Variants in RDH11 observed in about 807,000 individuals in gnomAD.
The protein encoded by RDH11 is retinol dehydrogenase 11.
A neutral mutation model predicts 33.4 loss-of-function variants in RDH11; 19 were observed. The ratio of observed to expected loss-of-function variants is 0.57; its 90% CI spans 0.40 to 0.83. The LOEUF is 0.83. RDH11 is among the 40% of genes least tolerant of loss of function. The pLI, the probability that RDH11 is intolerant of heterozygous loss-of-function variation, is 0.00. For synonymous variants in RDH11, 154 were observed against 155.3 expected, an observed-to-expected ratio of 0.99 and a Z score of 0.06; for missense variants, 353 against 389.0, an observed-to-expected ratio of 0.91 and a Z score of 0.78.
At chr14:67,692,808 CA>C (rs1247884652) in intron 2 of RDH11, 125 bp downstream of exon 2, 5 of 881,148 alleles carry the variant, frequency 5.7e-6, no homozygotes, top group Non-Finnish European at 9.0e-6. Context: ...TTCAGATCAG[CA>C]AATCAGTGGA....
chr14:67,685,719 G>A (rs1026437754), intron 5 of RDH11, among the ~76,000 whole-genome samples: 6 of 151,950 alleles, frequency 3.9e-5, no homozygotes, highest in African/African-American at 7.3e-5. Context: ...AGGTTCAAGC[G>A]ATTCTCCTGC....
At chr14:67,694,275 T>A (rs1429210851) in intron 1 of RDH11, among the ~76,000 whole-genome samples, 1 of 151,930 alleles carries the variant, frequency 6.6e-6, no homozygotes, top group Non-Finnish European at 1.5e-5. Context: ...GTTTCCCACA[T>A]CCCCTTACTG....
Position 67,685,036 on chromosome 14 carries a change from A to C in RDH11, c.833T>G (p.Ile278Ser). The C allele has an allele frequency of 6.2e-7, 1 of 1,608,874 alleles. No individual in the cohort carries two copies. Among genetic ancestry groups the C allele is most frequent in the South Asian group, 1.1e-5 (1 of 89,998 alleles). ...LHCALTEGLE[I>S]LSGNHFSDCH... ...ATACCTGAAATGATTCCCACTTAGA[A>C]TCTCAAGACCTTCTGTTAAGGCACA... The change falls in exon 6 of 7, where the codon ATT becomes AGT. Residue 278 changes from isoleucine (I) to serine (S), a missense_variant. Ile to Ser is a moderately radical substitution (Grantham distance 142). Coordinates refer to ENST00000381346, the MANE Select transcript of RDH11 (RefSeq NM_016026.4).
At chr14:67,690,945 G>T in intron 4 of RDH11, 195 bp downstream of exon 4, 1 of 582,426 alleles carries the variant, frequency 1.7e-6, no homozygotes, top group South Asian at 2.3e-5. Context: ...CTAAATCACA[G>T]ATTAAAAAGC....
At chr14:67,679,624 G>A (rs565197431) in intron 6 of RDH11, among the ~76,000 whole-genome samples, 7 of 152,166 alleles carry the variant, frequency 4.6e-5, no homozygotes, top group South Asian at 2.1e-4. Flanking sequence ...GGCTGGTCTC[G>A]AACTCCTGAC....
intron 6 of RDH11, among the ~76,000 whole-genome samples, chr14:67,683,613 G>C (rs916579534): frequency 3.9e-5 from 6 of 152,214 alleles, no homozygotes; most frequent in African/African-American, 1.2e-4. Context: ...CTAATCAAAA[G>C]AGTAAAAATG....
chr14:67,691,325 T>C (rs1594852344), intron 3 of RDH11, 81 bp from the exon 4 acceptor site: 1 of 876,728 alleles, frequency 1.1e-6, no homozygotes. Flanking sequence ...GCTCAGGCTT[T>C]GAAAATGAGG....
At position 67,690,438 on chromosome 14, in the gene RDH11, G is replaced by T; in HGVS notation, c.455-17C>A. ...GGAAGTGACCTGTTGAGAAATACTAGAATTAATGAAGTTCAGGGCCATGTA... is the reference window on the plus strand; with the variant it reads ...GGAAGTGACCTGTTGAGAAATACTATAATTAATGAAGTTCAGGGCCATGTA... On this transcript the variant is annotated splice_polypyrimidine_tract_variant and intron_variant, in intron 4 of 6. Transcript: ENST00000381346. The T allele has an allele frequency of 6.2e-7, 1 of 1,609,196 alleles. No homozygotes were observed. Among genetic ancestry groups the T allele is most frequent in the South Asian group, 1.1e-5 (1 of 90,938 alleles).
At position 67,678,231 on chromosome 14, in the gene RDH11, G is replaced by C. The variant is rs573354491; in HGVS notation, c.*90C>G. Reference sequence around the variant, plus strand: ...AAGGTTTTGCTCTCTTTGTGCTAAAGGTTTTGAAAACCTTGAAGGAGAATC... The same window carrying C: ...AAGGTTTTGCTCTCTTTGTGCTAAACGTTTTGAAAACCTTGAAGGAGAATC... On this transcript the variant is annotated 3_prime_UTR_variant, in exon 7 of 7. Coordinates refer to ENST00000381346, the MANE Select transcript of RDH11 (RefSeq NM_016026.4). The C allele has an allele frequency of 9.1e-5, 81 of 889,348 alleles. 2 individuals are homozygous for C. In the South Asian group the frequency reaches 1.2e-3, roughly 13 times the overall value. 55.1% of individuals were successfully genotyped at this position (889,348 alleles called of 1,614,324 possible).
At chr14:67,686,757 T>C (rs1348921927) in intron 5 of RDH11, among the ~76,000 whole-genome samples, 1 of 152,100 alleles carries the variant, frequency 6.6e-6, no homozygotes. Context: ...CATACTTCAA[T>C]TTTTTTCTCT....
chr14:67,687,808 G>A (rs113669267), intron 5 of RDH11, among the ~76,000 whole-genome samples: 4,110 of 134,022 alleles, frequency 0.031, 209 homozygotes, highest in African/African-American at 0.11. Flanking sequence ...AGTTTTACTC[G>A]TGACGCCCAG....
rs568017218 is a variant in RDH11, at chr14:67,690,861, G to C, written c.454+279C>G. ...ACCTATACCTGATGCTGGCCACAAG[G>C]ATCACTACTAAGAAAGCAACACAGT... On this transcript the variant is annotated intron_variant, in intron 4 of 6. Coordinates refer to ENST00000381346, the MANE Select transcript of RDH11 (RefSeq NM_016026.4). 1.4e-5 allele frequency: 6 copies of C among 431,478 alleles called. No individual in the cohort carries two copies. The East Asian group carries it at 2.5e-4, about 18-fold the overall frequency. 26.7% of individuals were successfully genotyped at this position (431,478 alleles called of 1,614,324 possible).
chr14:67,691,384 A>G (rs934959811), intron 3 of RDH11, 140 bp from the exon 4 acceptor site: 6 of 613,356 alleles, frequency 9.8e-6, no homozygotes, highest in Non-Finnish European at 1.4e-5. Flanking sequence ...TTTATTTTCT[A>G]TTGTTTTTCA....
chr14:67,681,017 TC>T (rs2037609211), intron 6 of RDH11, among the ~76,000 whole-genome samples: 1 of 152,182 alleles, frequency 6.6e-6, no homozygotes, highest in South Asian at 2.1e-4. Context: ...CCAATTGTGT[TC>T]CCCCAAAATT....
chr14:67,689,197 A>G (rs940266920), intron 5 of RDH11, among the ~76,000 whole-genome samples: 1 of 152,248 alleles, frequency 6.6e-6, no homozygotes, highest in Non-Finnish European at 1.5e-5. Context: ...CAGACTGGGC[A>G]TAAGGACTGA....
rs868005645 is a variant in RDH11, at chr14:67,691,231, G to A, written c.363C>T (p.Leu121=). The change falls in exon 4 of 7, where the codon CTC becomes CTT. Residue 121 remains leucine (L), a synonymous_variant. Transcript: ENST00000381346. ...CTCCTGCATTGTTGATCAAAACGTG[G>A]AGGTGCTTTTCCTCTGCAGGGACAA... is the stretch of plus-strand genomic sequence containing the variant. ...AKGFLAEEKH[L]HVLINNAGVM... The A allele has an allele frequency of 2.6e-5, 42 of 1,613,642 alleles. No homozygotes were observed. In the Middle Eastern group the frequency reaches 5.9e-3, roughly 228 times the overall value.
chr14:67,689,878 A>T (rs1321187969), intron 5 of RDH11, among the ~76,000 whole-genome samples: 2 of 152,016 alleles, frequency 1.3e-5, no homozygotes, highest in Non-Finnish European at 2.9e-5. Flanking sequence ...TGGGAAGTGG[A>T]GGTCGGCAGT....
In RDH11 at chr14:67,678,112, G is replaced by A; in HGVS notation, c.*209C>T. On this transcript the variant is annotated 3_prime_UTR_variant, in exon 7 of 7. Transcript: ENST00000381346. Reference sequence around the variant, plus strand: ...TATGATATCTCTAGTAACTCTGGCAGTAACAGAAGCAAAGTAAATCTGGAC... The same window carrying A: ...TATGATATCTCTAGTAACTCTGGCAATAACAGAAGCAAAGTAAATCTGGAC... The A allele has an allele frequency of 2.0e-6, 1 of 501,444 alleles. No individual in the cohort carries two copies. Among genetic ancestry groups the A allele is most frequent in the Non-Finnish European group, 3.6e-6 (1 of 276,166 alleles). The allele number at this position is 501,444 out of a possible 1,614,324, so 31.1% of individuals were successfully genotyped here. A position where few individuals can be genotyped will look rare whatever the true frequency, so the allele number is the denominator to read the frequency against.
intron 3 of RDH11, chr14:67,691,536 A>G (rs1433736497): frequency 3.7e-6 from 1 of 270,958 alleles, no homozygotes; most frequent in Non-Finnish European, 7.0e-6. Context: ...ACCTCTCTCA[A>G]TAAAAAGACT....
Sources: gnomAD v4.1 joint callset for allele counts (sites outside exome capture counted in the v4.1 genomes callset) on GRCh38, gnomAD v4.1.1 for gene constraint, MANE v1.5 for transcripts, NCBI Gene and HGNC (gene_info 2026-07-23, HGNC 2026-07-21) for gene names.